The following THAP9 variants were observed in gnomAD, a reference collection of about 807,000 sequenced individuals.
THAP9 encodes the protein DNA transposase THAP9.
In THAP9, 20 loss-of-function variants were observed where a neutral mutation model predicts 35.7. That is an observed-to-expected ratio of 0.56 (90% CI 0.39 to 0.81). The LOEUF (loss-of-function observed/expected upper bound fraction) is 0.81, where lower values mean the gene tolerates loss of function less well. THAP9 is among the 40% of genes least tolerant of loss of function. The pLI is 0.00. For synonymous variants in THAP9, 335 were observed against 373.7 expected (o/e 0.90, Z 1.19); for missense variants, 870 against 1,047.4 (o/e 0.83, Z 2.34).
At chr4:82,915,029 G>A (rs1578454987) in intron 4 of THAP9, among the ~76,000 whole-genome samples, 1 of 152,150 alleles carries the variant, frequency 6.6e-6, no homozygotes, top group Non-Finnish European at 1.5e-5. Flanking sequence ...CATATGGCTA[G>A]CCAGTTACCC....
rs1721090025 is a variant in THAP9, at chr4:82,917,770, A to G, written c.1558A>G (p.Ile520Val). The G allele has an allele frequency of 1.9e-6, 3 of 1,614,044 alleles. No individual in the cohort carries two copies. The highest frequency in any genetic ancestry group is 2.2e-5 in the South Asian group (2 of 91,076). The change falls in exon 5 of 5, where the codon ATC becomes GTC. Residue 520 changes from isoleucine (I) to valine (V), a missense_variant. Coordinates refer to ENST00000302236, the MANE Select transcript of THAP9 (RefSeq NM_024672.6). Reference protein sequence around the residue: ...FLRLINNLFDIFNSRNCYGKG... With the variant: ...FLRLINNLFDVFNSRNCYGKG... The stretch of plus-strand genomic sequence containing the variant: ...ACGTTTAATTAACAATCTGTTTGAC[A>G]TCTTTAATAGTAGGAACTGTTATGG...
At chr4:82,916,273 T>C (rs1256757820) in intron 4 of THAP9, among the ~76,000 whole-genome samples, 1 of 152,144 alleles carries the variant, frequency 6.6e-6, no homozygotes, top group Non-Finnish European at 1.5e-5. Flanking sequence ...ATTCCAAAGA[T>C]AGACACCATT....
At position 82,916,947 on chromosome 4, in the gene THAP9, G is replaced by A; in HGVS notation, c.735G>A (p.Trp245Ter). The A allele has an allele frequency of 6.6e-7, 1 of 1,517,208 alleles. No homozygotes were observed. The highest frequency in any genetic ancestry group is 8.8e-7 in the Non-Finnish European group (1 of 1,135,782). 94.0% of individuals were successfully genotyped at this position (1,517,208 alleles called of 1,614,324 possible). A position where few individuals can be genotyped will look rare whatever the true frequency, so the allele number is the denominator to read the frequency against. The change falls in exon 5 of 5, where the codon TGG (tryptophan) becomes TGA (stop). Residue 245 changes from tryptophan to a stop codon, truncating the protein, a stop_gained. Coordinates refer to ENST00000302236, the MANE Select transcript of THAP9 (RefSeq NM_024672.6). LOFTEE classifies it low-confidence loss of function (END_TRUNC). ...KLPHSSILRT[W>*]LSKCQPSPGF... is the part of the protein sequence containing the mutation. ...TTTCACTTTTTATGTATTCTAGGTG[G>A]TTATCCAAATGCCAACCCAGTCCAG...
At chr4:82,907,646 C>T (rs953356511) in intron 3 of THAP9, 139 bp from the exon 4 acceptor site, 2 of 654,148 alleles carry the variant, frequency 3.1e-6, no homozygotes, top group Admixed American at 3.7e-5. Context: ...GGATATTAAC[C>T]TCTGAATAGA....
chr4:82,900,764 C>A lies in THAP9; in HGVS notation c.-39C>A. 1 of 1,608,674 alleles carries A rather than the reference C, an allele frequency of 6.2e-7. No individual in the cohort carries two copies. Among genetic ancestry groups the A allele is most frequent in the Non-Finnish European group, 8.5e-7 (1 of 1,175,710 alleles). The stretch of plus-strand genomic sequence containing the variant: ...CTAAAGTGGTCGTGATTCATGCTGT[C>A]GCGGGAACCCCGAAGGTGGGGCCCC... On this transcript the variant is annotated 5_prime_UTR_variant, in exon 1 of 5. It introduces an in-frame stop codon into an upstream open reading frame of the 5' UTR. Transcript: ENST00000302236.
chr4:82,900,856 C>T lies in THAP9; in HGVS notation c.54C>T (p.Ser18=). 6.2e-7 allele frequency: 1 copy of T among 1,613,520 alleles called. No individual in the cohort carries two copies. Among genetic ancestry groups the T allele is most frequent in the Non-Finnish European group, 8.5e-7 (1 of 1,180,036 alleles). ...VGCSTRDTVL[S]RERGLSFHQF... ...GCAGCACCCGTGACACCGTGCTCAG[C>T]CGGGAGCGCGGCCTCTCCTTCCACC... The change falls in exon 1 of 5, where the codon AGC becomes AGT. Residue 18 remains serine, a synonymous_variant. Coordinates refer to ENST00000302236, the MANE Select transcript of THAP9 (RefSeq NM_024672.6).
rs747888288 is a variant in THAP9 at position 82,900,934 on chromosome 4, G to T, written c.80+52G>T. The T allele has an allele frequency of 2.6e-5, 41 of 1,604,892 alleles. 2 individuals are homozygous for T. The African/African-American group carries it at 2.8e-4, about 11-fold the overall frequency. On this transcript the variant is annotated intron_variant, in intron 1 of 4. Coordinates refer to ENST00000302236, the MANE Select transcript of THAP9 (RefSeq NM_024672.6). ...TTCGAACTCCCTGCGGGGCCCGGCG[G>T]GCCGTGGCGTGGCGTGGGGCGGGGC...
At position 82,911,947 on chromosome 4, in the gene THAP9, A is replaced by G. The variant is rs1360752820; in HGVS notation, c.731+4012A>G. Among the ~76,000 whole-genome samples, 3 of 152,174 alleles carry G rather than the reference A, an allele frequency of 2.0e-5. No homozygotes were observed. In the East Asian group the frequency reaches 5.8e-4, roughly 29 times the overall value. ...TAACAATTAGACGATGACAGACCAA[A>G]CTAGACTTAAATTTTTTTAAAACCC... On this transcript the variant is annotated intron_variant, in intron 4 of 4. Coordinates refer to ENST00000302236, the MANE Select transcript of THAP9 (RefSeq NM_024672.6).
Position 82,917,677 on chromosome 4 carries a change from G to A in THAP9, c.1465G>A (p.Ala489Thr), listed in dbSNP as rs1333741740. 1 of 1,613,012 alleles carries A rather than the reference G, an allele frequency of 6.2e-7. No homozygotes were observed. Among genetic ancestry groups the A allele is most frequent in the East Asian group, 2.2e-5 (1 of 44,870 alleles). ...ACTCTTTAGTGAGAGTGTAGCCAGT[G>A]CATTAGAATATTTGTTATCCTTAGA... ...TQLFSESVAS[A>T]LEYLLSLDLP... The change falls in exon 5 of 5, where the codon GCA (alanine) becomes ACA (threonine). Residue 489 changes from alanine to threonine, a missense_variant. Transcript: ENST00000302236.
At chr4:82,912,893 C>T (rs1015035163) in intron 4 of THAP9, among the ~76,000 whole-genome samples, 1 of 152,092 alleles carries the variant, frequency 6.6e-6, no homozygotes, top group Admixed American at 6.5e-5. Context: ...TAAAATGTTG[C>T]TGTAGGTTGA....
chr4:82,906,149 C>A, intron 2 of THAP9, among the ~76,000 whole-genome samples, 175 bp from the exon 3 acceptor site: 1 of 148,938 alleles, frequency 6.7e-6, no homozygotes, highest in Non-Finnish European at 1.5e-5. Context: ...AAAAAAAAAG[C>A]CTGTTTATAT....
chr4:82,915,411 C>T (rs1213070654), intron 4 of THAP9, among the ~76,000 whole-genome samples: 1 of 152,098 alleles, frequency 6.6e-6, no homozygotes, highest in East Asian at 1.9e-4. Flanking sequence ...TGCGCGCCAC[C>T]ATGCCCAGCT....
At chr4:82,903,569 G>T (rs999823359) in intron 1 of THAP9, 1 of 152,368 alleles carries the variant, frequency 6.6e-6, no homozygotes, top group Non-Finnish European at 1.5e-5. Context: ...ATAAATAAAT[G>T]CAAGGTAATT....
chr4:82,912,820 G>T (rs1057270408), intron 4 of THAP9, among the ~76,000 whole-genome samples: 2 of 152,172 alleles, frequency 1.3e-5, no homozygotes, highest in African/African-American at 4.8e-5. Flanking sequence ...AAATTATCAA[G>T]ATGTCCTTCG....
In THAP9 at chr4:82,912,393, C is replaced by T. The variant is rs185365820; in HGVS notation, c.731+4458C>T. Among the ~76,000 whole-genome samples the T allele has an allele frequency of 2.0e-5, 3 of 152,272 alleles. No homozygotes were observed. In the East Asian group the frequency reaches 5.8e-4, roughly 29 times the overall value. On this transcript the variant is annotated intron_variant, in intron 4 of 4. Coordinates refer to ENST00000302236, the MANE Select transcript of THAP9 (RefSeq NM_024672.6). The stretch of plus-strand genomic sequence containing the variant: ...GCTGTGAGAGAATCAAAAGTAACAA[C>T]AGTGGGAGTAGCTAAAAGTCTTAAC...
chr4:82,900,844 C>T lies in THAP9; in HGVS notation c.42C>T (p.Asp14=), dbSNP rs757640475. The T allele has an allele frequency of 1.2e-6, 2 of 1,613,568 alleles. No homozygotes were observed. The highest frequency in any genetic ancestry group is 2.2e-5 in the East Asian group (1 of 44,878). The stretch of plus-strand genomic sequence containing the variant: ...CCGCAGTGGGCTGCAGCACCCGTGA[C>T]ACCGTGCTCAGCCGGGAGCGCGGCC... ...SCSAVGCSTR[D]TVLSRERGLS... is the part of the protein sequence containing the mutation. Residue 14 remains aspartate, a synonymous_variant, in exon 1 of 5, where the codon GAC becomes GAT. Coordinates refer to ENST00000302236, the MANE Select transcript of THAP9 (RefSeq NM_024672.6).
chr4:82,911,310 G>T (rs955663783), intron 4 of THAP9, among the ~76,000 whole-genome samples: 1 of 151,358 alleles, frequency 6.6e-6, no homozygotes, highest in Non-Finnish European at 1.5e-5. Flanking sequence ...ATGGGGTCTC[G>T]GCTGGGCACA....
At chr4:82,907,084 C>A (rs151041678) in intron 3 of THAP9, among the ~76,000 whole-genome samples, 58 of 152,104 alleles carry the variant, frequency 3.8e-4, no homozygotes, top group African/African-American at 1.3e-3. Context: ...ACATTTTTTT[C>A]TAAAATATTC....
intron 4 of THAP9, among the ~76,000 whole-genome samples, chr4:82,911,360 G>A (rs771312407): frequency 6.6e-6 from 1 of 152,094 alleles, no homozygotes. Context: ...GGGAGGCTGT[G>A]GAGGACGGAC....
Sources: gnomAD v4.1 joint callset for allele counts (sites outside exome capture counted in the v4.1 genomes callset) on GRCh38, gnomAD v4.1.1 for gene constraint, MANE v1.5 for transcripts, NCBI Gene and HGNC (gene_info 2026-07-23, HGNC 2026-07-21) for gene names.